Variants in NIT1 observed in about 807,000 individuals in gnomAD.
NIT1 encodes nitrilase 1, also known as deaminated glutathione amidase.
In NIT1, 30 loss-of-function variants were observed where a neutral mutation model predicts 36.8. The ratio of observed to expected loss-of-function variants is 0.82; its 90% CI spans 0.61 to 1.11. NIT1 has a LOEUF of 1.11. Ranked by LOEUF, NIT1 falls within the 50% of genes least tolerant of loss-of-function variation. NIT1 has a pLI of 0.00. For synonymous variants in NIT1, 151 were observed against 155.6 expected (o/e 0.97, Z 0.22); for missense variants, 438 against 410.6 (o/e 1.07, Z -0.58).
intron 4 of NIT1, 78 bp downstream of exon 4, chr1:161,119,690 T>G: frequency 6.3e-7 from 1 of 1,587,820 alleles, no homozygotes; most frequent in Non-Finnish European, 8.6e-7. Context: ...TCTCAACTCT[T>G]ATTTCCTTGA....
chr1:161,125,300 A>G (rs537352721), downstream of NIT1: 2 of 152,328 alleles, frequency 1.3e-5, no homozygotes, highest in South Asian at 2.1e-4. Flanking sequence ...CAAAGATACA[A>G]GCATCCTTGG....
Position 161,119,569 on chromosome 1 carries a change from G to T in NIT1, c.414G>T (p.Gln138His). ...ATGAGCGTGGCCAAGACTGGGAGCA[G>T]ACTCAGAAAATCTACAATTGTCACG... ...GFHERGQDWE[Q>H]TQKIYNCHVL... The change falls in exon 4 of 7, where the codon CAG becomes CAT. Residue 138 changes from glutamine to histidine, a missense_variant. Gln to His is a conservative substitution (Grantham distance 24, BLOSUM62 0). Coordinates refer to ENST00000368009, the MANE Select transcript of NIT1 (RefSeq NM_005600.3). 1 of 1,614,186 alleles carries T rather than the reference G, an allele frequency of 6.2e-7. No homozygotes were observed. The highest frequency in any genetic ancestry group is 1.1e-5 in the South Asian group (1 of 91,072).
rs900042545 is a variant in NIT1, at chr1:161,118,114, G to A, written c.-63G>A. 9 of 1,613,350 alleles carry A rather than the reference G, an allele frequency of 5.6e-6. No individual in the cohort carries two copies. Among genetic ancestry groups the A allele is most frequent in the Non-Finnish European group, 6.8e-6 (8 of 1,179,798 alleles). On this transcript the variant is annotated 5_prime_UTR_variant, in exon 1 of 7. Transcript: ENST00000368009. Reference sequence around the variant, plus strand: ...CTGCGAGTTACCGCCCACTCGCTGCGGCGCTTCTGGCTCCAGACCGCCCTC... The same window carrying A: ...CTGCGAGTTACCGCCCACTCGCTGCAGCGCTTCTGGCTCCAGACCGCCCTC...
chr1:161,124,439 T>G (rs1284662985), downstream of NIT1: 18 of 1,604,236 alleles, frequency 1.1e-5, no homozygotes, highest in East Asian at 4.0e-4. Context: ...ACACCTGGCT[T>G]GCCCGCCGCT....
chr1:161,122,027 A>T, downstream of NIT1: 1 of 1,210,940 alleles, frequency 8.3e-7, no homozygotes, highest in Admixed American at 2.5e-5. This position sits in a 1 kb window ranked among gnomAD's most constrained non-coding sequence, Gnocchi z 4.2. Context: ...TTTTCTTTAA[A>T]AAAAAAAAAA....
chr1:161,118,695 C>G (rs962636836), intron 1 of NIT1, 91 bp from the exon 2 acceptor site: 96 of 1,454,992 alleles, frequency 6.6e-5, no homozygotes, highest in Non-Finnish European at 7.9e-5. Context: ...GGCCCTGATT[C>G]AGGCTCACAG....
In NIT1 at chr1:161,119,137, C is replaced by T; in HGVS notation, c.102C>T (p.Pro34=). 1 of 1,613,568 alleles carries T rather than the reference C, an allele frequency of 6.2e-7. No homozygotes were observed. Among genetic ancestry groups the T allele is most frequent in the East Asian group, 2.2e-5 (1 of 44,886 alleles). ...QLSVLCAQPR[P]RAMAISSSSC... is the part of the protein sequence containing the mutation. ...ATCCTGCCTATGCTGTTCACAGGCC[C>T]AGAGCCATGGCTATCTCCTCTTCCT... The change falls in exon 3 of 7, where the codon CCC becomes CCT. Residue 34 remains proline (P), a synonymous_variant. Transcript: ENST00000368009.
chr1:161,121,113 G>C lies in NIT1; in HGVS notation c.*348G>C. On this transcript the variant is annotated 3_prime_UTR_variant, in exon 7 of 7. Coordinates refer to ENST00000368009, the MANE Select transcript of NIT1 (RefSeq NM_005600.3). Reference sequence around the variant, plus strand: ...GGGAACTAGAAGGGGAGTTGGTATTGTACCAGCTGGACTAAGCTCCAGTTC... The same window carrying C: ...GGGAACTAGAAGGGGAGTTGGTATTCTACCAGCTGGACTAAGCTCCAGTTC... The C allele has an allele frequency of 2.7e-6, 3 of 1,128,850 alleles. No individual in the cohort carries two copies. The highest frequency in any genetic ancestry group is 2.2e-5 in the South Asian group (1 of 45,574). 69.9% of individuals were successfully genotyped at this position (1,128,850 alleles called of 1,614,324 possible). A position where few individuals can be genotyped will look rare whatever the true frequency, so the allele number is the denominator to read the frequency against.
In NIT1 at chr1:161,119,383, T is replaced by C. The variant is rs758425902; in HGVS notation, c.348T>C (p.Leu116=). 6.2e-7 allele frequency: 1 copy of C among 1,613,692 alleles called. No individual in the cohort carries two copies. Among genetic ancestry groups the C allele is most frequent in the South Asian group, 1.1e-5 (1 of 91,078 alleles). ...AACTTTTGGAAGAATACACCCAGCT[T>C]GCCAGGTATCAGGGAAATAGCGAGG... ...GGKLLEEYTQ[L]ARECGLWLSL... is the part of the protein sequence containing the mutation. Residue 116 remains leucine (L), a synonymous_variant, in exon 3 of 7, where the codon CTT becomes CTC. Transcript: ENST00000368009.
At chr1:161,123,397 T>G (rs988991478), downstream of NIT1, among the ~76,000 whole-genome samples, 5 of 152,116 alleles carry the variant, frequency 3.3e-5, no homozygotes, top group Admixed American at 1.3e-4. Flanking sequence ...CCCAGCACTT[T>G]GGGAGGCCAA....
In NIT1 at chr1:161,118,112, G is replaced by A. The variant is rs762160518; in HGVS notation, c.-65G>A. 11 of 1,613,424 alleles carry A rather than the reference G, an allele frequency of 6.8e-6. No homozygotes were observed. Among genetic ancestry groups the A allele is most frequent in the Non-Finnish European group, 9.3e-6 (11 of 1,179,786 alleles). Reference sequence around the variant, plus strand: ...GCCTGCGAGTTACCGCCCACTCGCTGCGGCGCTTCTGGCTCCAGACCGCCC... The same window carrying A: ...GCCTGCGAGTTACCGCCCACTCGCTACGGCGCTTCTGGCTCCAGACCGCCC... On this transcript the variant is annotated 5_prime_UTR_variant, in exon 1 of 7. Transcript: ENST00000368009.
At chr1:161,121,214 T>A (rs1655455307), downstream of NIT1, 2 of 995,200 alleles carry the variant, frequency 2.0e-6, no homozygotes, top group African/African-American at 3.5e-5. Context: ...CCAGCCCCAT[T>A]CTCCCAAGCA....
At chr1:161,118,482 A>C in intron 1 of NIT1, 1 of 1,536,164 alleles carries the variant, frequency 6.5e-7, no homozygotes, top group Non-Finnish European at 8.7e-7. Context: ...TGGGAAAACC[A>C]AGGATAGTTC....
At chr1:161,123,566 G>C (rs529290378), downstream of NIT1, among the ~76,000 whole-genome samples, 3 of 151,252 alleles carry the variant, frequency 2.0e-5, no homozygotes, top group African/African-American at 4.9e-5. Context: ...CACCTGGGAA[G>C]TGGGGCTTGC....
chr1:161,121,989 G>A (rs570312959), downstream of NIT1: 17 of 955,016 alleles, frequency 1.8e-5, no homozygotes, highest in South Asian at 2.4e-4. Flanking sequence ...GGAGGGGTGG[G>A]GAATACCACT....
At chr1:161,124,298 GTCA>G, downstream of NIT1, 3 of 1,614,226 alleles carry the variant, frequency 1.9e-6, no homozygotes, top group Non-Finnish European at 2.5e-6. Context: ...CACGCTCGTG[GTCA>G]TCAATGACAT....
chr1:161,121,980 G>T, downstream of NIT1: 1 of 844,566 alleles, frequency 1.2e-6, no homozygotes, highest in Non-Finnish European at 1.8e-6. Context: ...TGGGTGCAGG[G>T]AGGGGTGGGG....
intron 3 of NIT1, 33 bp downstream of exon 3, chr1:161,119,421 C>G (rs368551610): frequency 5.6e-6 from 9 of 1,612,890 alleles, no homozygotes; most frequent in Non-Finnish European, 7.6e-6. Flanking sequence ...GAGGTAGAAT[C>G]TTTGTTGGAC....
chr1:161,118,781 C>CAAAT lies in NIT1; in HGVS notation c.3-5_3-4insAAAT. ...GTTGGTGTCCTCATATCTCACCTTC[C>CAAAT]TCAGGCTGGGCTTCATCACCAGGCC... On this transcript the variant is annotated splice_polypyrimidine_tract_variant and splice_region_variant and intron_variant, in intron 1 of 6. Transcript: ENST00000368009. 6.2e-7 allele frequency: 1 copy of CAAAT among 1,609,522 alleles called. No individual in the cohort carries two copies. The highest frequency in any genetic ancestry group is 8.5e-7 in the Non-Finnish European group (1 of 1,175,840).
Sources: allele counts gnomAD v4.1 joint callset (sites outside exome capture counted in the v4.1 genomes callset), GRCh38; gene constraint gnomAD v4.1.1; non-coding constraint Gnocchi (gnomAD v3.1); transcripts MANE v1.5; gene names NCBI Gene and HGNC (gene_info 2026-07-23, HGNC 2026-07-21).